Variants in PLGRKT observed in about 807,000 individuals in gnomAD.
PLGRKT encodes plasminogen receptor with a C-terminal lysine, also known as plasminogen receptor (KT).
Under a neutral mutation model 18.5 loss-of-function variants are expected in PLGRKT, and 22 were observed. That is an observed-to-expected ratio of 1.19 (90% CI 0.85 to 1.70). PLGRKT has a LOEUF of 1.70. Ranked by LOEUF, PLGRKT falls within the 40% of genes most tolerant of loss-of-function variation. The pLI is 0.00. For missense variants in PLGRKT, 235 were observed against 174.4 expected (o/e 1.35, Z -1.96); for synonymous variants, 72 against 52.8 (o/e 1.36, Z -1.58).
intron 3 of PLGRKT, among the ~76,000 whole-genome samples, chr9:5,415,023 T>C (rs1340534690): frequency 6.6e-6 from 1 of 152,192 alleles, no homozygotes; most frequent in Non-Finnish European, 1.5e-5. Context: ...ACAGTAAGCA[T>C]ACCCAGAGCC....
chr9:5,436,297 C>T (rs917498854), intron 2 of PLGRKT, among the ~76,000 whole-genome samples: 2 of 152,236 alleles, frequency 1.3e-5, no homozygotes, highest in African/African-American at 4.8e-5. Context: ...ATGAGAGATA[C>T]AAGAAAAACT....
chr9:5,427,593 G>C (rs1330909616), intron 3 of PLGRKT, among the ~76,000 whole-genome samples: 1 of 152,166 alleles, frequency 6.6e-6, no homozygotes, highest in South Asian at 2.1e-4. Context: ...TCATAGGTAT[G>C]TATGTACTGG....
chr9:5,424,091 ATATAT>A (rs1563789588), intron 3 of PLGRKT, among the ~76,000 whole-genome samples: 3 of 143,792 alleles, frequency 2.1e-5, no homozygotes, highest in South Asian at 2.1e-4. Flanking sequence ...AATATATAAT[ATATAT>A]TATATATGTA....
At chr9:5,391,988 G>C (rs764208773) in intron 3 of PLGRKT, among the ~76,000 whole-genome samples, 1 of 151,884 alleles carries the variant, frequency 6.6e-6, no homozygotes, top group Non-Finnish European at 1.5e-5. Context: ...GGAGAAGTTG[G>C]TCTGGCCTGG....
At chr9:5,363,371 A>G (rs543545795) in intron 3 of PLGRKT, among the ~76,000 whole-genome samples, 47 of 151,724 alleles carry the variant, frequency 3.1e-4, no homozygotes, top group African/African-American at 1.1e-3. Context: ...CCACTCAGCC[A>G]CTGGCTTATA....
intron 3 of PLGRKT, among the ~76,000 whole-genome samples, chr9:5,364,082 T>C (rs1817328089): frequency 6.6e-6 from 1 of 152,246 alleles, no homozygotes; most frequent in Non-Finnish European, 1.5e-5. Context: ...GAGTCCAGAC[T>C]GGTTCTAAAC....
chr9:5,405,118 G>A (rs570072762), intron 3 of PLGRKT, among the ~76,000 whole-genome samples: 1 of 152,014 alleles, frequency 6.6e-6, no homozygotes, highest in Admixed American at 6.6e-5. Context: ...TCTGCTCAAG[G>A]AAATCAGAGA....
At chr9:5,419,146 C>A (rs538182570) in intron 3 of PLGRKT, among the ~76,000 whole-genome samples, 2 of 152,312 alleles carry the variant, frequency 1.3e-5, no homozygotes, top group Admixed American at 1.3e-4. Context: ...ACAGGCAGCT[C>A]AGAGCCAGCA....
At chr9:5,387,805 G>A (rs1817873615) in intron 3 of PLGRKT, among the ~76,000 whole-genome samples, 1 of 151,848 alleles carries the variant, frequency 6.6e-6, no homozygotes, top group African/African-American at 2.4e-5. Context: ...AAGAAGAAAG[G>A]AAGGAGTATT....
intron 3 of PLGRKT, among the ~76,000 whole-genome samples, chr9:5,373,365 C>T (rs1056885909): frequency 3.9e-5 from 6 of 152,290 alleles, no homozygotes; most frequent in East Asian, 3.9e-4. Flanking sequence ...GAAACCATGA[C>T]GTCCAAATAA....
At chr9:5,386,020 A>C (rs1292315884) in intron 3 of PLGRKT, among the ~76,000 whole-genome samples, 3 of 151,818 alleles carry the variant, frequency 2.0e-5, no homozygotes, top group Non-Finnish European at 2.9e-5. Flanking sequence ...ATCCACTGCC[A>C]TATCTAGTAT....
At position 5,358,271 on chromosome 9, in the gene PLGRKT, T is replaced by C; in HGVS notation, c.412A>G (p.Lys138Glu). 1 of 1,610,378 alleles carries C rather than the reference T, an allele frequency of 6.2e-7. No homozygotes were observed. Among genetic ancestry groups the C allele is most frequent in the Non-Finnish European group, 8.5e-7 (1 of 1,176,750 alleles). The change falls in exon 6 of 6, where the codon AAG becomes GAG. Residue 138 changes from lysine (K) to glutamate (E), a missense_variant. Transcript: ENST00000223864. The stretch of plus-strand genomic sequence containing the variant: ...TCTATGAAGAATCTACTCTGTTCCT[T>C]TCTGGCTTTTTCAATGCTTTCAAAA... The part of the protein sequence containing the change: ...ITFESIEKAR[K>E]EQSRFFIDK
chr9:5,379,298 G>C (rs988211722), intron 3 of PLGRKT, among the ~76,000 whole-genome samples: 2 of 152,052 alleles, frequency 1.3e-5, no homozygotes, highest in African/African-American at 4.8e-5. Context: ...GATTTCCTTG[G>C]AGAGGAAAAT....
At chr9:5,392,668 T>C (rs1202409332) in intron 3 of PLGRKT, 1 of 151,856 alleles carries the variant, frequency 6.6e-6, no homozygotes, top group Non-Finnish European at 1.5e-5. Context: ...AAGAAATAAA[T>C]AATTAGATCT....
intron 3 of PLGRKT, among the ~76,000 whole-genome samples, chr9:5,421,580 G>T (rs1270090231): frequency 6.6e-6 from 1 of 152,202 alleles, no homozygotes; most frequent in East Asian, 1.9e-4. Context: ...AACATTTGGT[G>T]AATGAATAAA....
At chr9:5,417,422 A>G (rs578150709) in intron 3 of PLGRKT, among the ~76,000 whole-genome samples, 1 of 152,276 alleles carries the variant, frequency 6.6e-6, no homozygotes, top group African/African-American at 2.4e-5. Flanking sequence ...ACAACTAGAA[A>G]ACTTTTAGAA....
intron 3 of PLGRKT, among the ~76,000 whole-genome samples, chr9:5,399,717 G>A (rs552599032): frequency 1.3e-5 from 2 of 151,750 alleles, no homozygotes; most frequent in African/African-American, 2.4e-5. Flanking sequence ...GGCCAGGCAC[G>A]GTGGCTCATG....
At chr9:5,395,023 AT>A (rs1374586879) in intron 3 of PLGRKT, among the ~76,000 whole-genome samples, 1 of 151,092 alleles carries the variant, frequency 6.6e-6, no homozygotes, top group Non-Finnish European at 1.5e-5. Flanking sequence ...TTTGTTTTAC[AT>A]TTTATTAGAA....
At chr9:5,430,453 T>C (rs1324189672) in intron 3 of PLGRKT, among the ~76,000 whole-genome samples, 1 of 152,258 alleles carries the variant, frequency 6.6e-6, no homozygotes, top group East Asian at 1.9e-4. Flanking sequence ...GAGATATTTA[T>C]TCTGCATAAG....
Sources: gnomAD v4.1 joint callset for allele counts (sites outside exome capture counted in the v4.1 genomes callset) on GRCh38, gnomAD v4.1.1 for gene constraint, MANE v1.5 for transcripts, NCBI Gene and HGNC (gene_info 2026-07-23, HGNC 2026-07-21) for gene names.